The following TOPAZ1 variants were observed in gnomAD, a reference collection of about 807,000 sequenced individuals.
The protein encoded by TOPAZ1 is testis and ovary specific TOPAZ 1, also known as protein TOPAZ1.
In TOPAZ1, 66 loss-of-function variants were observed where a neutral mutation model predicts 172.2. That is an observed-to-expected ratio of 0.38 (90% CI 0.31 to 0.47). The LOEUF (loss-of-function observed/expected upper bound fraction) is 0.47, where lower values mean the gene tolerates loss of function less well. Among genes scored for constraint, TOPAZ1 ranks in the 20% least tolerant of loss-of-function variants. The probability of loss-of-function intolerance (pLI) is 0.99; values close to 1 mark genes in which losing one functional copy is unlikely to be tolerated. For missense variants in TOPAZ1, 1,822 were observed against 1,972.4 expected (o/e 0.92, Z 1.44); for synonymous variants, 681 against 683.9 (o/e 1.00, Z 0.07).
At position 44,267,753 on chromosome 3, in the gene TOPAZ1, A is replaced by G. The variant is rs139901238; in HGVS notation, c.3160+617A>G. ...TTTTTTGATAATTAACAATATTTTGAACAAAATAGACTACATTAAAGGATG... is the reference window on the plus strand; with the variant it reads ...TTTTTTGATAATTAACAATATTTTGGACAAAATAGACTACATTAAAGGATG... On this transcript the variant is annotated intron_variant, in intron 6 of 19. Coordinates refer to ENST00000309765, the MANE Select transcript of TOPAZ1 (RefSeq NM_001145030.2). Among the ~76,000 whole-genome samples the G allele has an allele frequency of 2.6e-5, 4 of 152,272 alleles. No homozygotes were observed. In the East Asian group the frequency reaches 7.7e-4, roughly 29 times the overall value.
intron 18 of TOPAZ1, among the ~76,000 whole-genome samples, chr3:44,325,155 A>T (rs1300337602): frequency 6.6e-6 from 1 of 152,008 alleles, no homozygotes; most frequent in Non-Finnish European, 1.5e-5. Context: ...TTATATTGGA[A>T]CTCCTTTTGG....
At chr3:44,284,631 A>T (rs1227140827) in intron 9 of TOPAZ1, among the ~76,000 whole-genome samples, 1 of 152,190 alleles carries the variant, frequency 6.6e-6, no homozygotes, top group Non-Finnish European at 1.5e-5. Flanking sequence ...TCGGGTATAT[A>T]CCTAAGAGTA....
chr3:44,304,156 A>G, intron 13 of TOPAZ1, 75 bp downstream of exon 13: 1 of 813,124 alleles, frequency 1.2e-6, no homozygotes, highest in Non-Finnish European at 1.9e-6. Flanking sequence ...TTTGAATAAT[A>G]ACCCCATTTT....
Position 44,321,058 on chromosome 3 carries a change from G to A in TOPAZ1, c.4338G>A (p.Trp1446Ter). Residue 1446 changes from tryptophan to a stop codon, truncating the protein, a stop_gained, in exon 17 of 20, where the codon TGG becomes TGA. Coordinates refer to ENST00000309765, the MANE Select transcript of TOPAZ1 (RefSeq NM_001145030.2). LOFTEE classifies it high-confidence loss of function. Reference protein sequence around the residue: ...ESEWIINTPLWPCDRLDVLNR... With the variant: ...ESEWIINTPL ...AGTGGATAATCAATACGCCTCTGTG[G>A]CCTTGTGATAGACTGGATGTGCTTA... 1 of 1,548,912 alleles carries A rather than the reference G, an allele frequency of 6.5e-7. No individual in the cohort carries two copies. The highest frequency in any genetic ancestry group is 8.7e-7 in the Non-Finnish European group (1 of 1,145,874).
intron 16 of TOPAZ1, among the ~76,000 whole-genome samples, chr3:44,318,576 C>T (rs1397179840): frequency 1.3e-5 from 2 of 151,800 alleles, no homozygotes; most frequent in African/African-American, 4.8e-5. Context: ...TTGCCTTGTA[C>T]GGGCCTCAGT....
chr3:44,254,122 G>A (rs751423205), intron 2 of TOPAZ1, among the ~76,000 whole-genome samples: 9 of 152,160 alleles, frequency 5.9e-5, no homozygotes, highest in Non-Finnish European at 1.2e-4. Context: ...TCATTTTACA[G>A]ATATGGTTAA....
At chr3:44,325,814 TGTATTTTTA>T (rs2125706334) in intron 18 of TOPAZ1, among the ~76,000 whole-genome samples, 1 of 152,288 alleles carries the variant, frequency 6.6e-6, no homozygotes, top group African/African-American at 2.4e-5. Context: ...CAGCTAATTT[TGTATTTTTA>T]GTAGAGATGG....
At chr3:44,305,072 C>A (rs1185358440) in intron 13 of TOPAZ1, 75 bp from the exon 14 acceptor site, 2 of 1,126,970 alleles carry the variant, frequency 1.8e-6, no homozygotes, top group African/African-American at 3.2e-5. Flanking sequence ...ATGCTTTGCC[C>A]TAAAGACATG....
At chr3:44,266,134 C>T (rs1699827972) in intron 5 of TOPAZ1, among the ~76,000 whole-genome samples, 1 of 152,128 alleles carries the variant, frequency 6.6e-6, no homozygotes, top group African/African-American at 2.4e-5. Context: ...ATTTTGCTAG[C>T]TTCATACTTC....
chr3:44,273,290 C>T (rs1035946439), intron 8 of TOPAZ1, among the ~76,000 whole-genome samples: 1 of 152,122 alleles, frequency 6.6e-6, no homozygotes, highest in Admixed American at 6.5e-5. Flanking sequence ...CAGGGACACA[C>T]TGAAGCCTTT....
At chr3:44,288,155 A>C (rs1700099506) in intron 11 of TOPAZ1, among the ~76,000 whole-genome samples, 2 of 152,166 alleles carry the variant, frequency 1.3e-5, no homozygotes, top group Admixed American at 1.3e-4. Flanking sequence ...TACAACAGAA[A>C]TAAACAAACC....
downstream of TOPAZ1, among the ~76,000 whole-genome samples, chr3:44,332,347 AG>A (rs1010494895): frequency 6.6e-6 from 1 of 152,170 alleles, no homozygotes; most frequent in Non-Finnish European, 1.5e-5. Flanking sequence ...TGGAGTTTTC[AG>A]GAAAACATTT....
At position 44,244,132 on chromosome 3, in the gene TOPAZ1, T is replaced by G; in HGVS notation, c.1626T>G (p.Thr542=). 1 of 1,551,616 alleles carries G rather than the reference T, an allele frequency of 6.4e-7. No homozygotes were observed. The highest frequency in any genetic ancestry group is 8.7e-7 in the Non-Finnish European group (1 of 1,146,906). ...ACCAAACAAACCAGACCCATTTAAC[T>G]GACTCCAAATTATTATTACAAAGTT... The part of the protein sequence containing the change: ...PKHQTNQTHL[T]DSKLLLQSSL... Residue 542 remains threonine (T), a synonymous_variant, in exon 2 of 20, where the codon ACT becomes ACG. Coordinates refer to ENST00000309765, the MANE Select transcript of TOPAZ1 (RefSeq NM_001145030.2).
intron 16 of TOPAZ1, among the ~76,000 whole-genome samples, chr3:44,312,257 T>C (rs950148244): frequency 4.2e-5 from 6 of 144,550 alleles, no homozygotes; most frequent in South Asian, 2.1e-4. Flanking sequence ...AACACAGGAA[T>C]GTACAGAGCA....
intron 3 of TOPAZ1, among the ~76,000 whole-genome samples, 161 bp downstream of exon 3, chr3:44,255,190 G>A (rs139901890): frequency 1.1e-3 from 171 of 152,264 alleles, no homozygotes; most frequent in African/African-American, 3.9e-3. Flanking sequence ...TAATTGACTG[G>A]TTGGAAGATC....
chr3:44,334,755 T>G (rs1700705634), downstream of TOPAZ1, among the ~76,000 whole-genome samples: 3 of 152,222 alleles, frequency 2.0e-5, no homozygotes. Context: ...GAAAATTTCT[T>G]GGACATCAGC....
Position 44,328,269 on chromosome 3 carries a change from C to T in TOPAZ1, c.4695C>T (p.Cys1565=). 1.3e-6 allele frequency: 2 copies of T among 1,502,246 alleles called. No individual in the cohort carries two copies. The highest frequency in any genetic ancestry group is 5.2e-5 in the Admixed American group (2 of 38,520). 93.1% of individuals were successfully genotyped at this position (1,502,246 alleles called of 1,614,324 possible). ...TTTCAGGTGCTCTTTCCTTGGGTTG[C>T]TACCCACCATTGGAAGGAAATTTAT... ...AHYKSALSLG[C]YPPLEGNLYR... Residue 1565 remains cysteine, a synonymous_variant, in exon 19 of 20, where the codon TGC becomes TGT. Coordinates refer to ENST00000309765, the MANE Select transcript of TOPAZ1 (RefSeq NM_001145030.2).
At chr3:44,284,884 A>G (rs1254862095) in intron 9 of TOPAZ1, among the ~76,000 whole-genome samples, 1 of 152,220 alleles carries the variant, frequency 6.6e-6, no homozygotes, top group East Asian at 1.9e-4. Context: ...AGATATAAAT[A>G]TGATCACATA....
chr3:44,308,478 T>G (rs1018623588), intron 15 of TOPAZ1, among the ~76,000 whole-genome samples: 1 of 152,168 alleles, frequency 6.6e-6, no homozygotes, highest in Non-Finnish European at 1.5e-5. Context: ...TATGGCTGCA[T>G]AGTATTCCAT....
Sources: gnomAD v4.1 joint callset for allele counts (sites outside exome capture counted in the v4.1 genomes callset) on GRCh38, gnomAD v4.1.1 for gene constraint, MANE v1.5 for transcripts, NCBI Gene and HGNC (gene_info 2026-07-23, HGNC 2026-07-21) for gene names.